Variants in CTNNA2 observed in about 807,000 individuals in gnomAD.
The protein encoded by CTNNA2 is catenin alpha 2.
CTNNA2 carries 42 observed loss-of-function variants against 101.0 expected under a neutral mutation model. The ratio of observed to expected loss-of-function variants is 0.42; its 90% CI spans 0.32 to 0.54. The LOEUF is 0.54. Ranked by LOEUF, CTNNA2 falls within the 20% of genes least tolerant of loss-of-function variation. CTNNA2 has a pLI of 0.14. For synonymous variants in CTNNA2, 450 were observed against 456.4 expected (o/e 0.99, Z 0.18); for missense variants, 871 against 1,223.1 (o/e 0.71, Z 4.29).
chr2:80,019,230 T>C (rs1694376934), intron 7 of CTNNA2, among the ~76,000 whole-genome samples: 1 of 152,190 alleles, frequency 6.6e-6, no homozygotes, highest in South Asian at 2.1e-4. Context: ...CCATGGATAC[T>C]GAGGGACTGA....
intron 2 of CTNNA2, among the ~76,000 whole-genome samples, chr2:79,717,931 T>C (rs1473317749): frequency 6.6e-6 from 1 of 152,172 alleles, no homozygotes. Flanking sequence ...GTTATCATTT[T>C]TGTAGAGCCT....
chr2:79,700,806 A>G, intron 2 of CTNNA2, among the ~76,000 whole-genome samples: 1 of 152,218 alleles, frequency 6.6e-6, no homozygotes, highest in East Asian at 1.9e-4. Context: ...CTACTGAATC[A>G]TCAGCTCTGT....
chr2:79,284,475 G>C (rs1035662746), intron 2 of CTNNA2, among the ~76,000 whole-genome samples: 45 of 151,488 alleles, frequency 3.0e-4, no homozygotes, highest in African/African-American at 1.1e-3. Flanking sequence ...ATGAAGGGTT[G>C]TTGAATTTTG....
intron 1 of CTNNA2, among the ~76,000 whole-genome samples, chr2:79,565,636 A>T (rs554659344): frequency 6.6e-6 from 1 of 152,246 alleles, no homozygotes; most frequent in East Asian, 1.9e-4. Flanking sequence ...CACTCATGCT[A>T]GTGGTAAGTG....
intron 7 of CTNNA2, among the ~76,000 whole-genome samples, chr2:80,158,008 C>T (rs1465876750): frequency 6.6e-6 from 1 of 152,128 alleles, no homozygotes; most frequent in Non-Finnish European, 1.5e-5. Flanking sequence ...GCTTGCTGAG[C>T]CTCTCATGAG....
intron 3 of CTNNA2, among the ~76,000 whole-genome samples, chr2:79,749,838 T>G (rs1358823952): frequency 6.6e-6 from 1 of 152,248 alleles, no homozygotes; most frequent in Non-Finnish European, 1.5e-5. Flanking sequence ...ACGCTAAATG[T>G]TCTATAGATG....
chr2:80,525,506 A>G (rs970510726), intron 9 of CTNNA2, among the ~76,000 whole-genome samples: 7 of 152,154 alleles, frequency 4.6e-5, no homozygotes, highest in Non-Finnish European at 1.0e-4. Flanking sequence ...TCTCAGGAGC[A>G]GGACTGGCCT....
intron 1 of CTNNA2, among the ~76,000 whole-genome samples, chr2:79,617,969 G>C (rs750040209): frequency 6.6e-6 from 1 of 152,152 alleles, no homozygotes; most frequent in Non-Finnish European, 1.5e-5. Flanking sequence ...AACCAGAGAC[G>C]AAAACCTCCA....
intron 7 of CTNNA2, among the ~76,000 whole-genome samples, chr2:80,390,676 G>GT (rs1169927180): frequency 6.6e-6 from 1 of 152,134 alleles, no homozygotes; most frequent in African/African-American, 2.4e-5. Flanking sequence ...TATCCGCACT[G>GT]TTTTTTAAGT....
intron 13 of CTNNA2, chr2:80,576,373 A>AT (rs5832458): frequency 0.06 from 8,308 of 138,730 alleles, 550 homozygotes; most frequent in East Asian, 0.24. Flanking sequence ...CCATGAAACC[A>AT]TTTTTTTTTT....
chr2:80,124,737 C>A (rs1702024376), intron 7 of CTNNA2, among the ~76,000 whole-genome samples: 1 of 152,106 alleles, frequency 6.6e-6, no homozygotes, highest in Non-Finnish European at 1.5e-5. Flanking sequence ...ATTGCTTTTC[C>A]CAGGGGTTGA....
At chr2:79,745,305 C>T (rs550547327) in intron 3 of CTNNA2, among the ~76,000 whole-genome samples, 20 of 152,090 alleles carry the variant, frequency 1.3e-4, no homozygotes, top group Admixed American at 1.2e-3. Context: ...GCAGCGTGCG[C>T]CTGTAGTCCC....
chr2:80,321,010 C>T (rs550125390), intron 7 of CTNNA2, among the ~76,000 whole-genome samples: 1 of 152,154 alleles, frequency 6.6e-6, no homozygotes, highest in South Asian at 2.1e-4. Context: ...CATAGTGTGC[C>T]AATATTAATG....
At chr2:79,713,189 G>A (rs1685852575) in intron 2 of CTNNA2, among the ~76,000 whole-genome samples, 2 of 152,188 alleles carry the variant, frequency 1.3e-5, no homozygotes, top group African/African-American at 4.8e-5. Context: ...AAAATGTTGG[G>A]TCAGATTCTT....
At chr2:80,276,635 G>T (rs1441205116) in intron 7 of CTNNA2, among the ~76,000 whole-genome samples, 2 of 152,008 alleles carry the variant, frequency 1.3e-5, no homozygotes, top group Non-Finnish European at 2.9e-5. Context: ...GGAAGGAAAT[G>T]AGAGAAAGAG....
intron 2 of CTNNA2, among the ~76,000 whole-genome samples, chr2:79,651,972 T>C (rs1333433045): frequency 6.6e-6 from 1 of 152,184 alleles, no homozygotes; most frequent in African/African-American, 2.4e-5. Context: ...CACTTTCAGA[T>C]GCTAATGCAC....
At chr2:80,201,498 C>T (rs927357611) in intron 7 of CTNNA2, among the ~76,000 whole-genome samples, 15 of 151,156 alleles carry the variant, frequency 9.9e-5, no homozygotes, top group Non-Finnish European at 1.9e-4. Flanking sequence ...CTCAGCCTCC[C>T]GAGTAGCTGG....
intron 7 of CTNNA2, among the ~76,000 whole-genome samples, chr2:79,954,975 T>A (rs1460492908): frequency 1.3e-5 from 2 of 152,140 alleles, no homozygotes; most frequent in East Asian, 3.8e-4. Flanking sequence ...AAAATGAAAA[T>A]TAAAATGATG....
intron 7 of CTNNA2, among the ~76,000 whole-genome samples, chr2:80,251,829 T>A (rs1671791838): frequency 6.6e-6 from 1 of 152,188 alleles, no homozygotes; most frequent in African/African-American, 2.4e-5. Flanking sequence ...CGCCTTTTCC[T>A]CTTTCTGGTG....
Sources: allele counts gnomAD v4.1 joint callset (sites outside exome capture counted in the v4.1 genomes callset), GRCh38; gene constraint gnomAD v4.1.1; transcripts MANE v1.5; gene names NCBI Gene and HGNC (gene_info 2026-07-23, HGNC 2026-07-21).